The following CCNT2 variants were observed in gnomAD, a reference collection of about 807,000 sequenced individuals.
CCNT2 encodes the protein cyclin T2.
In CCNT2, 18 loss-of-function variants were observed where a neutral mutation model predicts 70.0. The observed-to-expected ratio is 0.26, with a 90% CI of 0.18 to 0.38. The LOEUF is 0.38. Among genes scored for constraint, CCNT2 ranks in the 10% least tolerant of loss-of-function variants. The probability of loss-of-function intolerance (pLI) is 1.00; values close to 1 mark genes in which losing one functional copy is unlikely to be tolerated. For synonymous variants in CCNT2, 334 were observed against 313.3 expected, an observed-to-expected ratio of 1.07 and a Z score of -0.70; for missense variants, 734 against 890.2, an observed-to-expected ratio of 0.82 and a Z score of 2.23.
Position 134,954,711 on chromosome 2 carries a change from T to G in CCNT2, c.*63T>G. On this transcript the variant is annotated 3_prime_UTR_variant, in exon 9 of 9. Transcript: ENST00000264157. ...TTTAAAAATTGTTAGAATGGAAAAATTCCTTCTGATCTAGCAGTGGTAACC... is the reference window on the plus strand; with the variant it reads ...TTTAAAAATTGTTAGAATGGAAAAAGTCCTTCTGATCTAGCAGTGGTAACC... 8.8e-7 allele frequency: 1 copy of G among 1,134,804 alleles called. No individual in the cohort carries two copies. Among genetic ancestry groups the G allele is most frequent in the Non-Finnish European group, 1.3e-6 (1 of 770,720 alleles). 70.3% of individuals were successfully genotyped at this position (1,134,804 alleles called of 1,614,324 possible). A position where few individuals can be genotyped will look rare whatever the true frequency, so the allele number is the denominator to read the frequency against.
chr2:134,953,372 C>T lies in CCNT2; in HGVS notation c.917C>T (p.Thr306Ile), dbSNP rs1559115544. 2 of 1,601,958 alleles carry T rather than the reference C, an allele frequency of 1.2e-6. No individual in the cohort carries two copies. Among genetic ancestry groups the T allele is most frequent in the Non-Finnish European group, 1.7e-6 (2 of 1,173,448 alleles). The change falls in exon 9 of 9, where the codon ACA becomes ATA. Residue 306 changes from threonine to isoleucine, a missense_variant. By Grantham distance (89) the Thr-to-Ile change is moderately conservative (BLOSUM62 -1). Around this residue, in one of 3 missense-constraint regions of CCNT2, gnomAD observed 532 missense variants for 556.9 expected, o/e 0.96. Coordinates refer to ENST00000264157, the MANE Select transcript of CCNT2 (RefSeq NM_058241.3). ...PTNPSFQKPS[T>I]SAFPAPVPLN... is the part of the protein sequence containing the mutation. ...AACCCAAGTTTTCAGAAACCATCTA[C>T]ATCAGCATTCCCTGCGCCAGTACCT...
intron 2 of CCNT2, among the ~76,000 whole-genome samples, chr2:134,933,523 CAAG>C (rs920553358): frequency 8.6e-5 from 13 of 151,768 alleles, no homozygotes; most frequent in African/African-American, 3.1e-4. Flanking sequence ...GGAGTCAGAT[CAAG>C]AAGTAGGAAT....
At chr2:134,945,716 G>A in intron 5 of CCNT2, 3 of 1,277,874 alleles carry the variant, frequency 2.3e-6, no homozygotes, top group East Asian at 5.4e-5. Flanking sequence ...AAGTCTGGCA[G>A]GCAACTCTTT....
At position 134,942,642 on chromosome 2, in the gene CCNT2, C is replaced by T. The variant is rs1681661200; in HGVS notation, c.461C>T (p.Thr154Ile). 6.2e-7 allele frequency: 1 copy of T among 1,610,830 alleles called. No individual in the cohort carries two copies. The highest frequency in any genetic ancestry group is 8.5e-7 in the Non-Finnish European group (1 of 1,178,896). The stretch of plus-strand genomic sequence containing the variant: ...GAGATCACCATTGAACACCCACACA[C>T]AGATGTGGTGAAATGTACCCAGTTA... ...GFEITIEHPH[T>I]DVVKCTQLVR... The change falls in exon 5 of 9, where the codon ACA (threonine) becomes ATA (isoleucine). Residue 154 changes from threonine to isoleucine, a missense_variant. Thr to Ile is a moderately conservative substitution (Grantham distance 89). Transcript: ENST00000264157.
At chr2:134,945,544 T>C (rs146758574) in intron 5 of CCNT2, 2 of 985,354 alleles carry the variant, frequency 2.0e-6, no homozygotes, top group Non-Finnish European at 2.4e-6. Context: ...TGGAGCCTCC[T>C]GTATCTGTAC....
At chr2:134,928,288 T>TTTTTTTTTTTTTTTTTTTTA (rs1458899099) in intron 2 of CCNT2, among the ~76,000 whole-genome samples, 1 of 145,904 alleles carries the variant, frequency 6.9e-6, no homozygotes, top group East Asian at 2.0e-4. Flanking sequence ...TTTTTTTTTT[T>TTTTTTTTTTTTTTTTTTTTA]TTTTTCTGAG....
intron 2 of CCNT2, among the ~76,000 whole-genome samples, chr2:134,932,651 T>C (rs558274446): frequency 2.8e-4 from 43 of 152,334 alleles, no homozygotes; most frequent in African/African-American, 1.0e-3. Flanking sequence ...TTAATAACAT[T>C]TTCTGCAATT....
At chr2:134,943,087 C>G (rs896415713) in intron 5 of CCNT2, 1 of 985,164 alleles carries the variant, frequency 1.0e-6, no homozygotes, top group African/African-American at 1.7e-5. Flanking sequence ...AACCTCAGAC[C>G]TTTCAGATAA....
chr2:134,939,159 A>C (rs918990071), intron 4 of CCNT2, 97 bp downstream of exon 4: 4 of 887,520 alleles, frequency 4.5e-6, no homozygotes. Context: ...TTATTGAAGA[A>C]AGTTATTTTA....
chr2:134,920,661 A>G (rs1265390669), intron 2 of CCNT2, among the ~76,000 whole-genome samples: 2 of 152,230 alleles, frequency 1.3e-5, no homozygotes, highest in African/African-American at 4.8e-5. Flanking sequence ...CATATTGTTT[A>G]GAAATGTTTA....
chr2:134,950,725 T>C (rs919651566), intron 7 of CCNT2, among the ~76,000 whole-genome samples: 4 of 152,226 alleles, frequency 2.6e-5, no homozygotes, highest in Non-Finnish European at 4.4e-5. Flanking sequence ...ATTCACTTAA[T>C]GATTGTGTTC....
chr2:134,949,779 TTAGG>T (rs1176870786), intron 7 of CCNT2, among the ~76,000 whole-genome samples: 1 of 123,056 alleles, frequency 8.1e-6, no homozygotes, highest in Non-Finnish European at 1.6e-5. Flanking sequence ...TAGATTAAGA[TTAGG>T]TAGGCAAAAT....
At chr2:134,919,698 G>A (rs3769024) in intron 1 of CCNT2, 112 bp from the exon 2 acceptor site, 223,076 of 735,320 alleles carry the variant, frequency 0.3, 39,096 homozygotes, top group Middle Eastern at 0.66. Flanking sequence ...TCCAGTTTGG[G>A]GTTTGGATTT....
At chr2:134,948,301 T>C (rs1682151785) in intron 7 of CCNT2, among the ~76,000 whole-genome samples, 1 of 152,086 alleles carries the variant, frequency 6.6e-6, no homozygotes, top group Non-Finnish European at 1.5e-5. Context: ...CCTGGGTATA[T>C]ATTAACTACC....
intron 2 of CCNT2, among the ~76,000 whole-genome samples, chr2:134,931,590 CA>C (rs1345220302): frequency 6.6e-6 from 1 of 151,988 alleles, no homozygotes; most frequent in African/African-American, 2.4e-5. Context: ...TCAGTTTCTA[CA>C]AAAGAAGCTG....
chr2:134,946,322 G>A, intron 6 of CCNT2, 176 bp downstream of exon 6: 1 of 1,171,266 alleles, frequency 8.5e-7, no homozygotes, highest in Non-Finnish European at 1.2e-6. Flanking sequence ...GGGCACAGAG[G>A]GGTTAAATGC....
At chr2:134,943,030 A>C in intron 5 of CCNT2, 1 of 985,330 alleles carries the variant, frequency 1.0e-6, no homozygotes, top group Non-Finnish European at 1.2e-6. Flanking sequence ...GTTTGTGTCA[A>C]ACTTTGACTT....
At chr2:134,921,651 G>GCCATCTT (rs1679916321) in intron 2 of CCNT2, among the ~76,000 whole-genome samples, 1 of 152,220 alleles carries the variant, frequency 6.6e-6, no homozygotes, top group Non-Finnish European at 1.5e-5. Context: ...ACCGTGCCCG[G>GCCATCTT]CCATCTTCAC....
Position 134,956,622 on chromosome 2 carries a change from TA to T in CCNT2, c.*1979del, listed in dbSNP as rs1189819768. ...GTGAAACCTCTACAGAGCTATCATG[TA>T]AAAACTACATAAGGTGGTTGTGCTA... On this transcript the variant is annotated 3_prime_UTR_variant, in exon 9 of 9. Transcript: ENST00000264157. The T allele has an allele frequency of 1.3e-5, 2 of 152,578 alleles. No homozygotes were observed. The highest frequency in any genetic ancestry group is 2.9e-5 in the Non-Finnish European group (2 of 68,002). The allele number at this position is 152,578 out of a possible 1,614,324, so 9.5% of individuals were successfully genotyped here.
Sources: allele counts gnomAD v4.1 joint callset (sites outside exome capture counted in the v4.1 genomes callset), GRCh38; gene constraint gnomAD v4.1.1; regional missense constraint gnomAD v4.1.1; transcripts MANE v1.5; gene names NCBI Gene and HGNC (gene_info 2026-07-23, HGNC 2026-07-21).